The following RAD54L2 variants were observed in gnomAD, a reference collection of about 807,000 sequenced individuals.
The protein encoded by RAD54L2 is RAD54 like 2.
A neutral mutation model predicts 138.4 loss-of-function variants in RAD54L2; 27 were observed. The ratio of observed to expected loss-of-function variants is 0.20; its 90% confidence interval spans 0.14 to 0.27. RAD54L2 has a LOEUF of 0.27. Ranked by LOEUF, RAD54L2 falls within the 10% of genes least tolerant of loss-of-function variation. The pLI is 1.00. For synonymous variants in RAD54L2, 644 were observed against 723.2 expected, an observed-to-expected ratio of 0.89 and a Z score of 1.76; for missense variants, 1,396 against 1,890.2, an observed-to-expected ratio of 0.74 and a Z score of 4.85.
intron 5 of RAD54L2, 92 bp downstream of exon 5, chr3:51,629,565 CTG>C (rs1700785137): frequency 1.3e-6 from 2 of 1,486,644 alleles, no homozygotes; most frequent in Admixed American, 2.3e-5. Context: ...TGGAATAAGA[CTG>C]TGGCCTCTCG....
chr3:51,549,107 C>T (rs782764465), intron 2 of RAD54L2, among the ~76,000 whole-genome samples: 2 of 152,148 alleles, frequency 1.3e-5, no homozygotes, highest in Non-Finnish European at 2.9e-5. Context: ...ATTCTCCCTG[C>T]CTCAGCCTCC....
intron 19 of RAD54L2, among the ~76,000 whole-genome samples, chr3:51,649,119 G>A (rs765651625): frequency 1.3e-5 from 2 of 151,978 alleles, no homozygotes; most frequent in African/African-American, 4.8e-5. Flanking sequence ...ATGACCTGAT[G>A]GAGCTGAAAA....
chr3:51,589,053 G>A (rs1401731486), intron 2 of RAD54L2, among the ~76,000 whole-genome samples: 1 of 152,062 alleles, frequency 6.6e-6, no homozygotes, highest in African/African-American at 2.4e-5. Flanking sequence ...GCTTCCTGCT[G>A]TGTCCCCAAA....
chr3:51,646,873 G>A (rs77416070), intron 19 of RAD54L2, among the ~76,000 whole-genome samples: 1,926 of 152,240 alleles, frequency 0.013, 38 homozygotes, highest in Non-Finnish European at 0.015. Flanking sequence ...TACAGTCAGG[G>A]AATCCTGCTG....
intron 2 of RAD54L2, among the ~76,000 whole-genome samples, chr3:51,559,966 G>A (rs1256286487): frequency 6.6e-6 from 1 of 152,194 alleles, no homozygotes; most frequent in African/African-American, 2.4e-5. Flanking sequence ...TGTTTGTGAT[G>A]TGCTGCTGTT....
intron 19 of RAD54L2, among the ~76,000 whole-genome samples, chr3:51,655,747 T>C (rs1278515861): frequency 6.6e-6 from 1 of 152,216 alleles, no homozygotes; most frequent in African/African-American, 2.4e-5. Context: ...CATCTGATTC[T>C]CCTTAGACTT....
chr3:51,579,038 C>T (rs977523783), intron 2 of RAD54L2, among the ~76,000 whole-genome samples: 55 of 152,120 alleles, frequency 3.6e-4, no homozygotes, highest in African/African-American at 1.1e-3. Flanking sequence ...CTTCCCTGGC[C>T]GGACTCCTCT....
At chr3:51,609,851 C>G (rs1480556331) in intron 3 of RAD54L2, among the ~76,000 whole-genome samples, 1 of 152,026 alleles carries the variant, frequency 6.6e-6, no homozygotes, top group Non-Finnish European at 1.5e-5. Context: ...ACAGTAGTTT[C>G]CTCTCCTAGT....
intron 19 of RAD54L2, among the ~76,000 whole-genome samples, chr3:51,649,850 A>G (rs560013227): frequency 2.0e-5 from 3 of 152,364 alleles, no homozygotes; most frequent in African/African-American, 7.2e-5. Flanking sequence ...TGTAAAGACC[A>G]TTGATGCTAG....
chr3:51,626,397 T>C (rs1284193935), intron 3 of RAD54L2, among the ~76,000 whole-genome samples: 1 of 136,328 alleles, frequency 7.3e-6, no homozygotes, highest in African/African-American at 2.7e-5. Context: ...CTTGCTGGTA[T>C]TGGATGTTAC....
chr3:51,646,815 C>T (rs919480496), intron 19 of RAD54L2, among the ~76,000 whole-genome samples: 6 of 152,172 alleles, frequency 3.9e-5, no homozygotes, highest in African/African-American at 1.4e-4. Context: ...TAGTCCTAGG[C>T]CTCACTTAGA....
intron 10 of RAD54L2, among the ~76,000 whole-genome samples, chr3:51,636,837 G>A (rs1700992852): frequency 6.6e-6 from 1 of 152,162 alleles, no homozygotes; most frequent in Non-Finnish European, 1.5e-5. Context: ...GGAGGCTGAG[G>A]CAGGAGAATC....
At chr3:51,587,642 G>A (rs949047324) in intron 2 of RAD54L2, among the ~76,000 whole-genome samples, 2 of 151,762 alleles carry the variant, frequency 1.3e-5, no homozygotes, top group African/African-American at 2.4e-5. Context: ...ACACACACTC[G>A]TAATTCCTGT....
chr3:51,540,089 A>G (rs1441900118), intron 1 of RAD54L2, among the ~76,000 whole-genome samples: 1 of 152,254 alleles, frequency 6.6e-6, no homozygotes, highest in African/African-American at 2.4e-5. Flanking sequence ...AATGATAGAC[A>G]AACTTAGACT....
chr3:51,559,860 G>A (rs1699058468), intron 2 of RAD54L2, among the ~76,000 whole-genome samples: 1 of 152,216 alleles, frequency 6.6e-6, no homozygotes, highest in Non-Finnish European at 1.5e-5. Flanking sequence ...GGCAGTTTCA[G>A]CTACAGGAGC....
intron 2 of RAD54L2, among the ~76,000 whole-genome samples, chr3:51,586,172 C>T (rs1699703570): frequency 1.3e-5 from 2 of 151,984 alleles, no homozygotes; most frequent in Non-Finnish European, 2.9e-5. Flanking sequence ...ACTGCTGCTG[C>T]CCACCAAGAC....
intron 2 of RAD54L2, among the ~76,000 whole-genome samples, chr3:51,544,409 T>C (rs1698633520): frequency 6.6e-6 from 1 of 152,188 alleles, no homozygotes; most frequent in South Asian, 2.1e-4. Flanking sequence ...TATTACTTGC[T>C]TTTTTGGGTC....
chr3:51,570,713 C>T (rs1299759423), intron 2 of RAD54L2, among the ~76,000 whole-genome samples: 1 of 152,164 alleles, frequency 6.6e-6, no homozygotes, highest in Non-Finnish European at 1.5e-5. Context: ...CCTCGGCCTC[C>T]CAAAGTGCTG....
chr3:51,618,882 G>T (rs966750317), intron 3 of RAD54L2, among the ~76,000 whole-genome samples: 1 of 152,186 alleles, frequency 6.6e-6, no homozygotes, highest in African/African-American at 2.4e-5. Flanking sequence ...TTGAGAGGTG[G>T]ATTCTAATTT....
Sources: gnomAD v4.1 joint callset for allele counts (sites outside exome capture counted in the v4.1 genomes callset) on GRCh38, gnomAD v4.1.1 for gene constraint, MANE v1.5 for transcripts, NCBI Gene and HGNC (gene_info 2026-07-23, HGNC 2026-07-21) for gene names.